Variants in DHRS11 observed in about 807,000 individuals in gnomAD.
DHRS11 encodes dehydrogenase/reductase 11, also known as dehydrogenase/reductase SDR family member 11.
Under a neutral mutation model 30.7 loss-of-function variants are expected in DHRS11, and 18 were observed. The observed-to-expected ratio is 0.59, with a 90% CI of 0.41 to 0.87. The LOEUF is 0.87. Ranked by LOEUF, DHRS11 falls within the 40% of genes least tolerant of loss-of-function variation. The pLI, the probability that DHRS11 is intolerant of heterozygous loss-of-function variation, is 0.00. For synonymous variants in DHRS11, 123 were observed against 139.6 expected, an observed-to-expected ratio of 0.88 and a Z score of 0.84; for missense variants, 300 against 349.0, an observed-to-expected ratio of 0.86 and a Z score of 1.12.
intron 2 of DHRS11, chr17:36,596,885 C>T: frequency 1.1e-5 from 5 of 470,922 alleles, no homozygotes; most frequent in Non-Finnish European, 2.2e-5. Flanking sequence ...AAATGAAGCC[C>T]TCAGCCTTCT....
chr17:36,592,333 C>T lies in DHRS11; in HGVS notation c.147+177C>T, dbSNP rs2074774299. ...TTGAAGGAGCCGTTTGCCCTGACAG[C>T]CCCTGCTCGAGTTACCGAATCTCCG... On this transcript the variant is annotated intron_variant, in intron 1 of 6. Transcript: ENST00000618403. This position sits in a 1 kb window ranked among gnomAD's most constrained non-coding sequence, Gnocchi z 4.4. 1.3e-5 allele frequency among the ~76,000 whole-genome samples: 2 copies of T among 152,230 alleles called. No individual in the cohort carries two copies. Among genetic ancestry groups the T allele is most frequent in the South Asian group, 2.1e-4 (1 of 4,838 alleles).
At chr17:36,594,911 G>A (rs1408322035) in intron 1 of DHRS11, 60 bp from the exon 2 acceptor site, 2 of 1,580,426 alleles carry the variant, frequency 1.3e-6, no homozygotes, top group Non-Finnish European at 1.7e-6. Context: ...GTCTGAGGCT[G>A]GCTAGGGAGC....
At position 36,595,110 on chromosome 17, in the gene DHRS11, A is replaced by G; in HGVS notation, c.287A>G (p.Asn96Ser). ...CACAGCGGTGTAGACATCTGCATCA[A>G]CAATGCTGGCTTGGCCCGGCCTGAC... Reference protein sequence around the residue: ...SQHSGVDICINNAGLARPDTL... With the variant: ...SQHSGVDICISNAGLARPDTL... Residue 96 changes from asparagine (N) to serine (S), a missense_variant, in exon 2 of 7, where the codon AAC (asparagine) becomes AGC (serine). By Grantham distance (46) the Asn-to-Ser change is conservative. Coordinates refer to ENST00000618403, the MANE Select transcript of DHRS11 (RefSeq NM_024308.4). 6.2e-7 allele frequency: 1 copy of G among 1,614,170 alleles called. No individual in the cohort carries two copies. The highest frequency in any genetic ancestry group is 8.5e-7 in the Non-Finnish European group (1 of 1,180,034).
rs140626590 is a variant in DHRS11 at position 36,598,940 on chromosome 17, T to A, written c.472T>A (p.Leu158Ile). The change falls in exon 4 of 7, where the codon TTA becomes ATA. Residue 158 changes from leucine (L) to isoleucine (I), a missense_variant. Coordinates refer to ENST00000618403, the MANE Select transcript of DHRS11 (RefSeq NM_024308.4). ...NINSMSGHRVLPLSVTHFYSA... is the reference protein window; with the variant it reads ...NINSMSGHRVIPLSVTHFYSA... ...ACCCAGCATGTCTGGCCACCGAGTG[T>A]TACCCCTGTCTGTGACCCACTTCTA... 410 of 1,613,396 alleles carry A rather than the reference T, an allele frequency of 2.5e-4. No homozygotes were observed. The highest frequency in any genetic ancestry group is 3.2e-4 in the Non-Finnish European group (381 of 1,179,882).
At chr17:36,595,914 A>G (rs1159177824) in intron 2 of DHRS11, among the ~76,000 whole-genome samples, 1 of 152,176 alleles carries the variant, frequency 6.6e-6, no homozygotes, top group Non-Finnish European at 1.5e-5. Flanking sequence ...ACTAGTAACT[A>G]TGTGACTTTA....
rs377282789 is a variant in DHRS11 at position 36,593,518 on chromosome 17, C to T, written c.147+1362C>T. 5.2e-4 allele frequency among the ~76,000 whole-genome samples: 79 copies of T among 152,242 alleles called. 2 individuals are homozygous for T. The South Asian group carries it at 0.016, about 31-fold the overall frequency. On this transcript the variant is annotated intron_variant, in intron 1 of 6. Transcript: ENST00000618403. ...GAGGGGAAAGCTGCAGTCTTCCTTG[C>T]CCACAGTCTGCTTTGATTGATTCAG...
At chr17:36,594,494 C>T (rs2074793201) in intron 1 of DHRS11, 4 of 192,042 alleles carry the variant, frequency 2.1e-5, no homozygotes, top group African/African-American at 4.6e-5. Flanking sequence ...AGTGCAGTGG[C>T]GTGATCTCAG....
At chr17:36,600,068 G>A in intron 6 of DHRS11, 31 bp downstream of exon 6, 4 of 1,613,852 alleles carry the variant, frequency 2.5e-6, no homozygotes, top group Non-Finnish European at 3.4e-6. Context: ...CTACTCACTG[G>A]AGGAACCCAA....
At chr17:36,599,080 CA>C (rs776967857) in intron 4 of DHRS11, 30 bp downstream of exon 4, 2 of 1,601,840 alleles carry the variant, frequency 1.2e-6, no homozygotes, top group East Asian at 4.5e-5. Flanking sequence ...CTGGTGGGCA[CA>C]GGGTGGCGCA....
rs1446197321 is a variant in DHRS11, at chr17:36,599,278, G to A, written c.582+228G>A. Reference sequence around the variant, plus strand: ...CAGACTTAGACTTTGAGCTGGGAGGGGGCTGACCTGAGGGAAAGCAAGGGA... The same window carrying A: ...CAGACTTAGACTTTGAGCTGGGAGGAGGCTGACCTGAGGGAAAGCAAGGGA... On this transcript the variant is annotated intron_variant, in intron 4 of 6. Coordinates refer to ENST00000618403, the MANE Select transcript of DHRS11 (RefSeq NM_024308.4). The A allele has an allele frequency of 9.9e-6, 7 of 708,388 alleles. No homozygotes were observed. The Admixed American group carries it at 1.3e-4, about 13-fold the overall frequency. The allele number at this position is 708,388 out of a possible 1,614,324, so 43.9% of individuals were successfully genotyped here.
chr17:36,599,580 G>C, intron 4 of DHRS11, 91 bp from the exon 5 acceptor site: 1 of 1,329,990 alleles, frequency 7.5e-7, no homozygotes, highest in South Asian at 1.2e-5. Context: ...TCACTGTGAA[G>C]CTGGGGTTCT....
At position 36,592,369 on chromosome 17, in the gene DHRS11, C is replaced by G. The variant is rs986873325; in HGVS notation, c.147+213C>G. ...GTTACCGAATCTCCGACCCCGGCAT[C>G]TCCCCACCCGCCCCTCGGGTCTCCC... On this transcript the variant is annotated intron_variant, in intron 1 of 6. Transcript: ENST00000618403. The surrounding 1 kb of genome is among the most constrained non-coding windows in gnomAD (Gnocchi z 4.4). 1.3e-5 allele frequency among the ~76,000 whole-genome samples: 2 copies of G among 152,246 alleles called. No individual in the cohort carries two copies. Among genetic ancestry groups the G allele is most frequent in the Non-Finnish European group, 2.9e-5 (2 of 68,044 alleles).
intron 4 of DHRS11, 102 bp downstream of exon 4, chr17:36,599,152 CTCCTGGGA>C: frequency 6.8e-7 from 1 of 1,475,778 alleles, no homozygotes; most frequent in Non-Finnish European, 9.0e-7. Context: ...CCGCTCAGAG[CTCCTGGGA>C]GTGGACTGGG....
chr17:36,599,360 A>T lies in DHRS11; in HGVS notation c.582+310A>T, dbSNP rs1050276035. 20 of 551,160 alleles carry T rather than the reference A, an allele frequency of 3.6e-5. No homozygotes were observed. The African/African-American group carries it at 3.8e-4, about 10-fold the overall frequency. 34.1% of individuals were successfully genotyped at this position (551,160 alleles called of 1,614,324 possible). A position where few individuals can be genotyped will look rare whatever the true frequency, so the allele number is the denominator to read the frequency against. ...ACCGGGACTCTGGGCTCTTCTCTTG[A>T]AGGCCGCATGATCGTGAGCGAGTCA... On this transcript the variant is annotated intron_variant, in intron 4 of 6. Transcript: ENST00000618403.
intron 2 of DHRS11, 97 bp downstream of exon 2, chr17:36,595,277 C>T (rs1177911250): frequency 1.6e-5 from 22 of 1,399,834 alleles, no homozygotes; most frequent in Non-Finnish European, 2.2e-5. Flanking sequence ...GACGGGACAT[C>T]TAGGAAGAGG....
At chr17:36,599,847 C>A (rs1359580182) in intron 5 of DHRS11, 84 bp downstream of exon 5, 2 of 1,592,406 alleles carry the variant, frequency 1.3e-6, no homozygotes, top group Admixed American at 1.7e-5. Flanking sequence ...CTCCACTCTT[C>A]CAGCCTTTGT....
rs536544341 is a variant in DHRS11 at position 36,600,474 on chromosome 17, TCAGTGTCTTCC to T, written c.*273_*283del. On this transcript the variant is annotated 3_prime_UTR_variant, in exon 7 of 7. Transcript: ENST00000618403. ...CTGGGCACTTGGCCTTTGTCTGCTC[TCAGTGTCTTCC>T]CTTTGACATGGGAAAGGAGTTGTGG... The T allele has an allele frequency of 4.8e-5, 28 of 583,880 alleles. No individual in the cohort carries two copies. In the Admixed American group the frequency reaches 8.5e-4, roughly 18 times the overall value. 36.2% of individuals were successfully genotyped at this position (583,880 alleles called of 1,614,324 possible). A position where few individuals can be genotyped will look rare whatever the true frequency, so the allele number is the denominator to read the frequency against.
At chr17:36,595,472 TG>T (rs1175450556) in intron 2 of DHRS11, among the ~76,000 whole-genome samples, 2 of 129,590 alleles carry the variant, frequency 1.5e-5, no homozygotes, top group Non-Finnish European at 3.1e-5. Flanking sequence ...CAGGCTGGAG[TG>T]CAGTGGCATG....
intron 2 of DHRS11, 67 bp downstream of exon 2, chr17:36,595,247 T>C (rs2074800885): frequency 2.5e-6 from 4 of 1,571,578 alleles, no homozygotes; most frequent in Non-Finnish European, 3.5e-6. Flanking sequence ...CAGGGGTTTG[T>C]GAACCAGAGT....
Sources: allele counts gnomAD v4.1 joint callset (sites outside exome capture counted in the v4.1 genomes callset), GRCh38; gene constraint gnomAD v4.1.1; non-coding constraint Gnocchi (gnomAD v3.1); transcripts MANE v1.5; gene names NCBI Gene and HGNC (gene_info 2026-07-23, HGNC 2026-07-21).